The following CNTN4 variants were observed in gnomAD, a reference collection of about 807,000 sequenced individuals.
CNTN4 encodes contactin-4.
A neutral mutation model predicts 122.5 loss-of-function variants in CNTN4; 77 were observed. The observed-to-expected ratio is 0.63, with a 90% CI of 0.52 to 0.76. CNTN4 has a LOEUF of 0.76. CNTN4 is among the 30% of genes least tolerant of loss of function. The pLI, the probability that CNTN4 is intolerant of heterozygous loss-of-function variation, is 0.00. For synonymous variants in CNTN4, 512 were observed against 447.0 expected, an observed-to-expected ratio of 1.15 and a Z score of -1.83; for missense variants, 1,256 against 1,259.1, an observed-to-expected ratio of 1.00 and a Z score of 0.04.
chr3:2,956,599 TTTC>T (rs879662840), intron 13 of CNTN4, among the ~76,000 whole-genome samples: 6 of 152,120 alleles, frequency 3.9e-5, no homozygotes, highest in African/African-American at 1.2e-4. Flanking sequence ...GCTAATTTTA[TTTC>T]TTATTTTTAA....
intron 3 of CNTN4, among the ~76,000 whole-genome samples, chr3:2,435,794 A>G (rs1044468736): frequency 6.6e-6 from 1 of 152,210 alleles, no homozygotes; most frequent in Non-Finnish European, 1.5e-5. Flanking sequence ...ACATGCCTAC[A>G]TGCAATCTGT....
chr3:2,266,928 C>G (rs1437042445), intron 2 of CNTN4, among the ~76,000 whole-genome samples: 1 of 152,008 alleles, frequency 6.6e-6, no homozygotes, highest in African/African-American at 2.4e-5. Flanking sequence ...ATTTTTATTC[C>G]TCTTCAAATA....
intron 2 of CNTN4, among the ~76,000 whole-genome samples, chr3:2,186,686 G>A (rs2037284204): frequency 6.6e-6 from 1 of 152,220 alleles, no homozygotes; most frequent in Non-Finnish European, 1.5e-5. Context: ...GGTCAGTGAT[G>A]ATGAGCATTT....
intron 3 of CNTN4, among the ~76,000 whole-genome samples, chr3:2,561,585 A>G (rs1221845957): frequency 1.3e-5 from 2 of 152,010 alleles, no homozygotes; most frequent in African/African-American, 2.4e-5. Flanking sequence ...TGTTTTTTCC[A>G]GCAAGTTTGC....
intron 3 of CNTN4, among the ~76,000 whole-genome samples, chr3:2,431,128 G>T (rs2048053536): frequency 6.6e-6 from 1 of 152,102 alleles, no homozygotes; most frequent in Non-Finnish European, 1.5e-5. Context: ...TTGTAGCTTT[G>T]TTTGTAATAT....
chr3:2,309,073 T>G (rs1189227987), intron 2 of CNTN4, among the ~76,000 whole-genome samples: 1 of 152,170 alleles, frequency 6.6e-6, no homozygotes, highest in African/African-American at 2.4e-5. Context: ...TTTTCAACTA[T>G]TATTGTTGAA....
chr3:2,215,740 A>G (rs1232743988), intron 2 of CNTN4, among the ~76,000 whole-genome samples: 37 of 151,998 alleles, frequency 2.4e-4, no homozygotes, highest in Non-Finnish European at 4.4e-5. Flanking sequence ...AAATTAGCCC[A>G]GGCGTGGTGG....
chr3:2,486,092 C>T (rs768455188), intron 3 of CNTN4, among the ~76,000 whole-genome samples: 3 of 152,106 alleles, frequency 2.0e-5, no homozygotes, highest in Admixed American at 2.0e-4. Flanking sequence ...TGAGGCCAGC[C>T]AGACCACGAA....
intron 13 of CNTN4, among the ~76,000 whole-genome samples, chr3:2,940,487 A>G (rs1007894198): frequency 1.3e-5 from 2 of 152,226 alleles, no homozygotes; most frequent in African/African-American, 4.8e-5. Flanking sequence ...GGAAGCTTAG[A>G]TATACTGCAA....
At chr3:2,388,206 C>T (rs536780683) in intron 3 of CNTN4, among the ~76,000 whole-genome samples, 2 of 152,164 alleles carry the variant, frequency 1.3e-5, no homozygotes, top group Non-Finnish European at 2.9e-5. Flanking sequence ...GCTGTAGATA[C>T]ATTTGCTAAA....
intron 3 of CNTN4, among the ~76,000 whole-genome samples, chr3:2,543,925 A>G (rs73001914): frequency 0.11 from 17,077 of 152,132 alleles, 1,289 homozygotes; most frequent in Non-Finnish European, 0.17. Flanking sequence ...CTATCTTGGT[A>G]TGAAGGTAAG....
At position 2,124,598 on chromosome 3, in the gene CNTN4, A is replaced by G. The variant is rs539631359; in HGVS notation, c.-145+23959A>G. Among the ~76,000 whole-genome samples the G allele has an allele frequency of 6.6e-5, 10 of 152,038 alleles. No homozygotes were observed. The South Asian group carries it at 8.3e-4, about 13-fold the overall frequency. Reference sequence around the variant, plus strand: ...GCAACAAAGTGAGCTCCTTGTCTCAACAACAACAATGACAACAACAACAAC... The same window carrying G: ...GCAACAAAGTGAGCTCCTTGTCTCAGCAACAACAATGACAACAACAACAAC... On this transcript the variant is annotated intron_variant, in intron 2 of 24. Coordinates refer to ENST00000418658, the MANE Select transcript of CNTN4 (RefSeq NM_175607.3).
At chr3:2,591,635 AT>A (rs2080496241) in intron 4 of CNTN4, among the ~76,000 whole-genome samples, 1 of 51,674 alleles carries the variant, frequency 1.9e-5, no homozygotes, top group African/African-American at 6.5e-5. Flanking sequence ...AAGTGCTGGG[AT>A]TACAGGCGTG....
chr3:2,759,159 T>A (rs937796985), intron 6 of CNTN4, among the ~76,000 whole-genome samples: 3 of 152,192 alleles, frequency 2.0e-5, no homozygotes, highest in Non-Finnish European at 4.4e-5. Context: ...CTTCATTTCT[T>A]TTTTCTTTTT....
At chr3:2,319,818 G>C (rs1347074050) in intron 2 of CNTN4, among the ~76,000 whole-genome samples, 1 of 152,106 alleles carries the variant, frequency 6.6e-6, no homozygotes, top group Non-Finnish European at 1.5e-5. Flanking sequence ...TGTTCAAGGG[G>C]CAACTGTATA....
intron 2 of CNTN4, among the ~76,000 whole-genome samples, chr3:2,156,608 A>G (rs140289003): frequency 8.6e-4 from 131 of 152,332 alleles, no homozygotes; most frequent in African/African-American, 3.0e-3. Context: ...ATTTGTTTGC[A>G]TAAGTCTGTA....
At chr3:2,806,203 T>C (rs1332623151) in intron 6 of CNTN4, among the ~76,000 whole-genome samples, 1 of 152,182 alleles carries the variant, frequency 6.6e-6, no homozygotes, top group Non-Finnish European at 1.5e-5. Context: ...GCCCAGCCTC[T>C]CATAGCACTT....
At chr3:2,776,051 C>T (rs1250757225) in intron 6 of CNTN4, among the ~76,000 whole-genome samples, 1 of 152,086 alleles carries the variant, frequency 6.6e-6, no homozygotes, top group African/African-American at 2.4e-5. Flanking sequence ...CCTTAATAAC[C>T]GGATTCAAGT....
chr3:2,877,140 T>G (rs1446567448), intron 8 of CNTN4, among the ~76,000 whole-genome samples: 2 of 152,228 alleles, frequency 1.3e-5, no homozygotes, highest in Admixed American at 1.3e-4. Context: ...AAACAGTTAT[T>G]GCCTGCATGT....
Sources: gnomAD v4.1 joint callset for allele counts (sites outside exome capture counted in the v4.1 genomes callset) on GRCh38, gnomAD v4.1.1 for gene constraint, MANE v1.5 for transcripts, NCBI Gene and HGNC (gene_info 2026-07-23, HGNC 2026-07-21) for gene names.